The following PTK2 variants were observed in gnomAD, a reference collection of about 807,000 sequenced individuals.
The protein encoded by PTK2 is protein tyrosine kinase 2.
Under a neutral mutation model 150.1 loss-of-function variants are expected in PTK2, and 45 were observed. The observed-to-expected ratio is 0.30, with a 90% confidence interval of 0.24 to 0.38. The LOEUF is 0.38. Ranked by LOEUF, PTK2 falls within the 10% of genes least tolerant of loss-of-function variation. The probability of loss-of-function intolerance (pLI) is 1.00; values close to 1 mark genes in which losing one functional copy is unlikely to be tolerated. For synonymous variants in PTK2, 432 were observed against 449.2 expected, an observed-to-expected ratio of 0.96 and a Z score of 0.48; for missense variants, 919 against 1,307.3, an observed-to-expected ratio of 0.70 and a Z score of 4.58.
chr8:140,932,309 G>T (rs952719458), intron 1 of PTK2, among the ~76,000 whole-genome samples: 1 of 152,080 alleles, frequency 6.6e-6, no homozygotes, highest in African/African-American at 2.4e-5. Context: ...CCACCTCCCA[G>T]GTTCAAGCAA....
intron 14 of PTK2, among the ~76,000 whole-genome samples, chr8:140,787,432 C>A (rs1383214854): frequency 1.3e-5 from 2 of 152,152 alleles, no homozygotes; most frequent in Admixed American, 6.5e-5. Flanking sequence ...GAACACAGTA[C>A]TCATAAAATG....
chr8:140,875,658 C>T (rs1258166638), intron 4 of PTK2, among the ~76,000 whole-genome samples: 3 of 152,192 alleles, frequency 2.0e-5, no homozygotes, highest in Non-Finnish European at 4.4e-5. Context: ...CTTAAAAATA[C>T]AATCCTGTAC....
At chr8:140,890,827 T>C (rs369190989) in intron 2 of PTK2, 58 bp from the exon 3 acceptor site, 18 of 1,393,526 alleles carry the variant, frequency 1.3e-5, no homozygotes, top group East Asian at 6.9e-5. Flanking sequence ...CCAATTACAA[T>C]GTGATATGTT....
chr8:140,927,799 C>CA (rs1175152739), intron 1 of PTK2, among the ~76,000 whole-genome samples: 2 of 151,148 alleles, frequency 1.3e-5, no homozygotes, highest in Non-Finnish European at 3.0e-5. Context: ...GTACTAAATA[C>CA]AAAAAATTGG....
intron 2 of PTK2, among the ~76,000 whole-genome samples, chr8:140,892,899 G>C (rs555166051): frequency 6.6e-6 from 1 of 152,344 alleles, no homozygotes; most frequent in Non-Finnish European, 1.5e-5. Context: ...ATTGCTGGAA[G>C]AGTATAAAAT....
At chr8:140,701,057 C>T (rs778800925) in intron 25 of PTK2, 35 bp from the exon 29 acceptor site, 1 of 1,603,122 alleles carries the variant, frequency 6.2e-7, no homozygotes, top group Admixed American at 1.7e-5. Flanking sequence ...TATTCAGTCT[C>T]ATAAGTCTAT....
At chr8:140,951,152 A>C (rs1044744606) in intron 1 of PTK2, among the ~76,000 whole-genome samples, 1 of 152,122 alleles carries the variant, frequency 6.6e-6, no homozygotes, top group African/African-American at 2.4e-5. Context: ...TAACCCTGAA[A>C]ATTATCTCCA....
At chr8:140,928,768 T>C (rs953760953) in intron 1 of PTK2, among the ~76,000 whole-genome samples, 14 of 152,242 alleles carry the variant, frequency 9.2e-5, no homozygotes, top group African/African-American at 3.1e-4. Context: ...GAATGGTGGT[T>C]TCCAGAGGAT....
At chr8:140,667,016 CA>C (rs2092489426) in intron 30 of PTK2, among the ~76,000 whole-genome samples, 1 of 152,084 alleles carries the variant, frequency 6.6e-6, no homozygotes, top group Admixed American at 6.6e-5. Flanking sequence ...AAATCCATCA[CA>C]AAAAGACAAA....
intron 1 of PTK2, among the ~76,000 whole-genome samples, chr8:140,935,024 TTAAG>T (rs1231633082): frequency 1.3e-5 from 2 of 152,232 alleles, no homozygotes; most frequent in East Asian, 1.9e-4. Context: ...ACACATGATC[TTAAG>T]TAAGTTGTCA....
intron 1 of PTK2, among the ~76,000 whole-genome samples, chr8:140,935,700 A>ATTTTT (rs1603411537): frequency 1.9e-5 from 1 of 52,466 alleles, no homozygotes. Context: ...GTATGTCCTC[A>ATTTTT]TCTTTTTTTT....
intron 5 of PTK2, among the ~76,000 whole-genome samples, chr8:140,860,870 G>C (rs749736398): frequency 6.6e-6 from 1 of 152,114 alleles, no homozygotes; most frequent in Non-Finnish European, 1.5e-5. Context: ...TGAAATACTA[G>C]CACGGAAAAA....
At chr8:140,982,123 A>G (rs1202837913) in intron 1 of PTK2, among the ~76,000 whole-genome samples, 2 of 152,030 alleles carry the variant, frequency 1.3e-5, no homozygotes, top group African/African-American at 4.8e-5. Flanking sequence ...TATCAGGAAC[A>G]TTAAACCAAT....
chr8:140,797,512 T>C (rs1251244243), intron 12 of PTK2, among the ~76,000 whole-genome samples: 1 of 152,208 alleles, frequency 6.6e-6, no homozygotes, highest in Non-Finnish European at 1.5e-5. Flanking sequence ...ATGCCATGCT[T>C]AGAAGCATTC....
At chr8:140,978,623 G>A (rs1169125029) in intron 1 of PTK2, among the ~76,000 whole-genome samples, 1 of 151,408 alleles carries the variant, frequency 6.6e-6, no homozygotes, top group Non-Finnish European at 1.5e-5. Context: ...AGGTGCTGGA[G>A]AGGATGTGGA....
chr8:140,787,543 G>A (rs1009512227), intron 14 of PTK2, among the ~76,000 whole-genome samples: 1 of 152,204 alleles, frequency 6.6e-6, no homozygotes, highest in Non-Finnish European at 1.5e-5. Flanking sequence ...CAAGTTTGGT[G>A]ATGACCAGCT....
chr8:140,686,514 T>C (rs986770382), intron 27 of PTK2, 118 bp downstream of exon 30: 7 of 839,366 alleles, frequency 8.3e-6, no homozygotes, highest in African/African-American at 3.5e-5. Context: ...GTTAACTTTA[T>C]AGAATATTCT....
intron 22 of PTK2, among the ~76,000 whole-genome samples, chr8:140,719,584 C>T (rs960900775): frequency 1.3e-5 from 2 of 152,152 alleles, no homozygotes; most frequent in African/African-American, 4.8e-5. Flanking sequence ...CTGCTATAAG[C>T]GTTAGTTGTC....
chr8:140,769,692 T>C, intron 14 of PTK2, 100 bp from the exon 16 acceptor site: 1 of 735,396 alleles, frequency 1.4e-6, no homozygotes, highest in South Asian at 1.7e-5. Flanking sequence ...ACTATTAAAA[T>C]GACAAGTAAA....
Sources: allele counts gnomAD v4.1 joint callset (sites outside exome capture counted in the v4.1 genomes callset), GRCh38; gene constraint gnomAD v4.1.1; transcripts MANE v1.5; gene names NCBI Gene and HGNC (gene_info 2026-07-23, HGNC 2026-07-21).